DPP6: variants seen among roughly 807,000 people sequenced by gnomAD.
DPP6 encodes dipeptidyl peptidase like 6, also known as A-type potassium channel modulatory protein DPP6.
DPP6 carries 69 observed loss-of-function variants against 122.6 expected under a neutral mutation model. That is an observed-to-expected ratio of 0.56 (90% CI 0.46 to 0.69). The LOEUF (loss-of-function observed/expected upper bound fraction) is 0.69, where lower values mean the gene tolerates loss of function less well. Ranked by LOEUF, DPP6 falls within the 30% of genes least tolerant of loss-of-function variation. DPP6 has a pLI of 0.00. For missense variants in DPP6, 928 were observed against 1,116.9 expected (o/e 0.83, Z 2.41); for synonymous variants, 418 against 433.1 (o/e 0.97, Z 0.43).
At chr7:154,472,095 G>A (rs1374753026) in intron 2 of DPP6, among the ~76,000 whole-genome samples, 1 of 152,128 alleles carries the variant, frequency 6.6e-6, no homozygotes, top group East Asian at 1.9e-4. Flanking sequence ...CTGGAAGGAG[G>A]GGATCAAATG....
At chr7:154,433,086 T>C (rs1391526706) in intron 1 of DPP6, among the ~76,000 whole-genome samples, 7 of 150,950 alleles carry the variant, frequency 4.6e-5, no homozygotes, top group African/African-American at 1.7e-4. Context: ...TTATCCAGGT[T>C]ACAGATATAA....
intron 16 of DPP6, among the ~76,000 whole-genome samples, chr7:154,849,439 A>T (rs1802201842): frequency 6.6e-6 from 1 of 152,092 alleles, no homozygotes. Context: ...GCCATTGTAA[A>T]TGGGATTGTT....
At chr7:153,966,502 C>T (rs1795731162) in intron 1 of DPP6, among the ~76,000 whole-genome samples, 1 of 142,724 alleles carries the variant, frequency 7.0e-6, no homozygotes, top group African/African-American at 2.6e-5. Context: ...GTTCATCTTC[C>T]TCTCCTCCTG....
intron 3 of DPP6, among the ~76,000 whole-genome samples, chr7:154,516,370 G>A (rs151184680): frequency 2.0e-5 from 3 of 152,224 alleles, no homozygotes; most frequent in East Asian, 1.9e-4. Context: ...GCTTAGCCAC[G>A]CAGGAAGGCG....
At chr7:154,018,804 A>C (rs1798552000) in intron 1 of DPP6, among the ~76,000 whole-genome samples, 2 of 152,214 alleles carry the variant, frequency 1.3e-5, no homozygotes, top group Non-Finnish European at 2.9e-5. Context: ...CTCTTGCAGA[A>C]GAAGAGACCC....
intron 1 of DPP6, among the ~76,000 whole-genome samples, chr7:154,089,807 G>A (rs1388353716): frequency 6.6e-6 from 1 of 151,584 alleles, no homozygotes; most frequent in Non-Finnish European, 1.5e-5. Context: ...ATTAGTTACA[G>A]AGCGAGACTT....
rs558267753 is a variant in DPP6 at position 154,889,261 on chromosome 7, C to A, written c.2305-11C>A. The A allele has an allele frequency of 6.2e-7, 1 of 1,611,608 alleles. No individual in the cohort carries two copies. Among genetic ancestry groups the A allele is most frequent in the Non-Finnish European group, 8.5e-7 (1 of 1,179,152 alleles). ...CCCCCTAACTCTGTCCCCTTGCCCC[C>A]GCATGTGCAGATGACCAAGGTAGCC... On this transcript the variant is annotated splice_polypyrimidine_tract_variant and intron_variant, in intron 23 of 25. Coordinates refer to ENST00000377770, the MANE Select transcript of DPP6 (RefSeq NM_130797.4).
chr7:154,444,771 A>C (rs1819710091), intron 1 of DPP6, among the ~76,000 whole-genome samples: 1 of 152,254 alleles, frequency 6.6e-6, no homozygotes, highest in African/African-American at 2.4e-5. Flanking sequence ...GCAAGATCTA[A>C]TTACTTATCC....
At chr7:154,669,233 A>G (rs935609831) in intron 6 of DPP6, 127 bp from the exon 7 acceptor site, 14 of 1,386,358 alleles carry the variant, frequency 1.0e-5, no homozygotes, top group Non-Finnish European at 1.3e-5. Context: ...ACAAGAGACA[A>G]GCTCTTGAAA....
intron 1 of DPP6, among the ~76,000 whole-genome samples, chr7:154,388,532 C>A (rs1814321690): frequency 6.6e-6 from 1 of 152,070 alleles, no homozygotes; most frequent in South Asian, 2.1e-4. Flanking sequence ...CAGATATAAT[C>A]CAGGCATTGG....
chr7:153,891,416 T>C (rs1487865667), intron 1 of DPP6, among the ~76,000 whole-genome samples: 1 of 152,204 alleles, frequency 6.6e-6, no homozygotes, highest in Non-Finnish European at 1.5e-5. Context: ...ATTCAATCTG[T>C]AATTTAATAT....
chr7:154,858,717 A>C (rs1803050517), intron 17 of DPP6, among the ~76,000 whole-genome samples: 1 of 152,182 alleles, frequency 6.6e-6, no homozygotes, highest in South Asian at 2.1e-4. Flanking sequence ...TGCTTCCTGC[A>C]GCAGCTCAGC....
At chr7:153,781,093 G>C in the DPP6 span, among the ~76,000 whole-genome samples, 4 of 152,198 alleles carry the variant, frequency 2.6e-5, no homozygotes, top group Admixed American at 2.6e-4. Context: ...TCACTTAGGT[G>C]TATTCTCTAA....
At chr7:153,794,989 C>T in the DPP6 span, among the ~76,000 whole-genome samples, 1 of 152,146 alleles carries the variant, frequency 6.6e-6, no homozygotes, top group Non-Finnish European at 1.5e-5. Flanking sequence ...TCCTTTTCTT[C>T]CTAGTCTTGG....
chr7:154,178,293 T>A (rs1797905702), intron 1 of DPP6, among the ~76,000 whole-genome samples: 1 of 152,122 alleles, frequency 6.6e-6, no homozygotes, highest in South Asian at 2.1e-4. Context: ...GAAGTCACTG[T>A]TGAACAAACT....
intron 1 of DPP6, among the ~76,000 whole-genome samples, chr7:154,232,918 C>T (rs1341005435): frequency 2.6e-5 from 4 of 152,152 alleles, no homozygotes; most frequent in South Asian, 4.1e-4. Flanking sequence ...CAAGGAGCCA[C>T]GAAGTGCTAA....
At chr7:154,523,035 C>T (rs1317811544) in intron 3 of DPP6, among the ~76,000 whole-genome samples, 1 of 152,248 alleles carries the variant, frequency 6.6e-6, no homozygotes, top group Non-Finnish European at 1.5e-5. Flanking sequence ...TGAGTCACTG[C>T]TCCTCACTGA....
At chr7:154,737,042 T>C (rs1266708176) in intron 8 of DPP6, among the ~76,000 whole-genome samples, 1 of 152,248 alleles carries the variant, frequency 6.6e-6, no homozygotes, top group Non-Finnish European at 1.5e-5. Context: ...GGACATGGTC[T>C]TCTTACCGTG....
intron 7 of DPP6, among the ~76,000 whole-genome samples, chr7:154,716,786 G>T (rs1031797072): frequency 6.9e-6 from 1 of 145,340 alleles, no homozygotes; most frequent in Non-Finnish European, 1.5e-5. Context: ...CATAATAATT[G>T]TACTTATTTA....
Sources: gnomAD v4.1 joint callset for allele counts (sites outside exome capture counted in the v4.1 genomes callset) on GRCh38, gnomAD v4.1.1 for gene constraint, MANE v1.5 for transcripts, NCBI Gene and HGNC (gene_info 2026-07-23, HGNC 2026-07-21) for gene names.